The following XXYLT1 variants were observed in gnomAD, a reference collection of about 807,000 sequenced individuals.
The protein encoded by XXYLT1 is UDP-xylose:alpha-xyloside alpha-1,3-xylosyltransferase.
In XXYLT1, 20 loss-of-function variants were observed where a neutral mutation model predicts 28.9. The observed-to-expected ratio is 0.69, with a 90% CI of 0.49 to 1.00. XXYLT1 has a LOEUF of 1.00. XXYLT1 is among the 50% of genes least tolerant of loss of function. XXYLT1 has a pLI of 0.00. For missense variants in XXYLT1, 542 were observed against 560.1 expected, an observed-to-expected ratio of 0.97 and a Z score of 0.33; for synonymous variants, 257 against 253.8, an observed-to-expected ratio of 1.01 and a Z score of -0.12.
chr3:195,192,253 C>T (rs1722452438), intron 2 of XXYLT1, among the ~76,000 whole-genome samples: 1 of 151,998 alleles, frequency 6.6e-6, no homozygotes, highest in African/African-American at 2.4e-5. Flanking sequence ...TGAAACCCGG[C>T]CTCTATTAAA....
chr3:195,262,641 C>G (rs995727730), intron 1 of XXYLT1, among the ~76,000 whole-genome samples: 1 of 152,160 alleles, frequency 6.6e-6, no homozygotes, highest in African/African-American at 2.4e-5. Context: ...TATAAATCCC[C>G]GTCGATCAGT....
rs1400180628 is a variant in XXYLT1 at position 195,131,357 on chromosome 3, C to T, written c.785+25092G>A. Among the ~76,000 whole-genome samples, 6 of 152,390 alleles carry T rather than the reference C, an allele frequency of 3.9e-5. 1 individual carries two copies. Among genetic ancestry groups the T allele is most frequent in the Admixed American group, 3.9e-4 (6 of 15,308 alleles). ...GATTTTTCAGTCCTAGCTCCACATTCATCAGCACCTTACAAGTAAGGGCAG... is the reference window on the plus strand; with the variant it reads ...GATTTTTCAGTCCTAGCTCCACATTTATCAGCACCTTACAAGTAAGGGCAG... On this transcript the variant is annotated intron_variant, in intron 3 of 3. Transcript: ENST00000310380.
Position 195,077,868 on chromosome 3 carries a change from C to T in XXYLT1, c.786-7757G>A, listed in dbSNP as rs143608420. Among the ~76,000 whole-genome samples, 5 of 152,290 alleles carry T rather than the reference C, an allele frequency of 3.3e-5. No homozygotes were observed. Among genetic ancestry groups the T allele is most frequent in the East Asian group, 1.9e-4 (1 of 5,164 alleles). On this transcript the variant is annotated intron_variant, in intron 3 of 3. Transcript: ENST00000310380. The surrounding 1 kb of genome is among the most constrained non-coding windows in gnomAD (Gnocchi z 4.8). The stretch of plus-strand genomic sequence containing the variant: ...CTCGAAGGCTTCTCCTGGCCCTCCG[C>T]TCCCCGTGCCCAGCCTGCCTGGGGT...
chr3:195,215,804 G>A (rs1723546794), intron 2 of XXYLT1, among the ~76,000 whole-genome samples: 1 of 152,198 alleles, frequency 6.6e-6, no homozygotes. Flanking sequence ...ATTGAACTCA[G>A]CTCTGCACCA....
chr3:195,246,749 T>C (rs183531279), intron 1 of XXYLT1, among the ~76,000 whole-genome samples: 2 of 152,306 alleles, frequency 1.3e-5, no homozygotes, highest in South Asian at 2.1e-4. Flanking sequence ...ACAGTGATGT[T>C]ACAATGTGGC....
chr3:195,229,959 G>A (rs928869320), intron 1 of XXYLT1, among the ~76,000 whole-genome samples: 2 of 152,134 alleles, frequency 1.3e-5, no homozygotes, highest in Non-Finnish European at 2.9e-5. Context: ...TTGAGGAACC[G>A]CCAATCTGTT....
At chr3:195,249,785 G>A (rs1322958247) in intron 1 of XXYLT1, among the ~76,000 whole-genome samples, 3 of 152,200 alleles carry the variant, frequency 2.0e-5, no homozygotes, top group Non-Finnish European at 4.4e-5. Context: ...CGTGTGGTCT[G>A]TAGCCCTCTT....
chr3:195,223,888 G>A (rs1723933687), intron 2 of XXYLT1, among the ~76,000 whole-genome samples: 1 of 152,214 alleles, frequency 6.6e-6, no homozygotes, highest in African/African-American at 2.4e-5. Context: ...CGGGCGCGGT[G>A]GCTCATGCCT....
In XXYLT1 at chr3:195,180,061, G is replaced by A. The variant is rs1224738701; in HGVS notation, c.653-23480C>T. ...GGCTGAGTGACGGAGCGCCTGGTGA[G>A]GGACAGAAGAATCTCTGAGCGGCCC... On this transcript the variant is annotated intron_variant, in intron 2 of 3. Coordinates refer to ENST00000310380, the MANE Select transcript of XXYLT1 (RefSeq NM_152531.5). This position sits in a 1 kb window ranked among gnomAD's most constrained non-coding sequence, Gnocchi z 5.8. 6.6e-6 allele frequency among the ~76,000 whole-genome samples: 1 copy of A among 152,188 alleles called. No homozygotes were observed. The highest frequency in any genetic ancestry group is 1.5e-5 in the Non-Finnish European group (1 of 68,028).
chr3:195,180,094 T>C lies in XXYLT1; in HGVS notation c.653-23513A>G, dbSNP rs1721876268. On this transcript the variant is annotated intron_variant, in intron 2 of 3. Transcript: ENST00000310380. The surrounding 1 kb of genome is among the most constrained non-coding windows in gnomAD (Gnocchi z 5.8). ...AGAATCTCTGAGCGGCCCCAAGCAGTGGGGTTCTGGCAGAGCACCGCTGAC... is the reference window on the plus strand; with the variant it reads ...AGAATCTCTGAGCGGCCCCAAGCAGCGGGGTTCTGGCAGAGCACCGCTGAC... Among the ~76,000 whole-genome samples, 1 of 151,982 alleles carries C rather than the reference T, an allele frequency of 6.6e-6. No individual in the cohort carries two copies. Among genetic ancestry groups the C allele is most frequent in the South Asian group, 2.1e-4 (1 of 4,808 alleles).
Position 195,150,379 on chromosome 3 carries a change from A to T in XXYLT1, c.785+6070T>A, listed in dbSNP as rs1326950127. ...TGTGCTGGCGCTCACTCCCTCCCCAACACTCCCCTGGGAGCCCAGCACCAG... is the reference window on the plus strand; with the variant it reads ...TGTGCTGGCGCTCACTCCCTCCCCATCACTCCCCTGGGAGCCCAGCACCAG... On this transcript the variant is annotated intron_variant, in intron 3 of 3. Transcript: ENST00000310380. This position sits in a 1 kb window ranked among gnomAD's most constrained non-coding sequence, Gnocchi z 4.7. Among the ~76,000 whole-genome samples, 1 of 151,856 alleles carries T rather than the reference A, an allele frequency of 6.6e-6. No homozygotes were observed. The highest frequency in any genetic ancestry group is 1.5e-5 in the Non-Finnish European group (1 of 67,962).
chr3:195,134,067 CAGAA>C (rs970842114), intron 3 of XXYLT1, among the ~76,000 whole-genome samples: 11 of 151,792 alleles, frequency 7.2e-5, no homozygotes, highest in African/African-American at 2.2e-4. Context: ...GACAGACAGA[CAGAA>C]AGAAAGAAAG....
intron 3 of XXYLT1, among the ~76,000 whole-genome samples, chr3:195,155,918 G>A (rs1720563397): frequency 6.6e-6 from 1 of 152,190 alleles, no homozygotes; most frequent in African/African-American, 2.4e-5. Flanking sequence ...TTCCAGAATG[G>A]TTCTCAGTCC....
chr3:195,073,672 T>A lies in XXYLT1; in HGVS notation c.786-3561A>T, dbSNP rs117132100. 2.0e-3 allele frequency among the ~76,000 whole-genome samples: 311 copies of A among 152,248 alleles called. 5 individuals carry two copies. In the East Asian group the frequency reaches 0.049, roughly 24 times the overall value. ...AAGCCCCCACGCAGACAGTCCCTGGTAAATATTGGGTCTTTTCAGAAGTCA... is the reference window on the plus strand; with the variant it reads ...AAGCCCCCACGCAGACAGTCCCTGGAAAATATTGGGTCTTTTCAGAAGTCA... On this transcript the variant is annotated intron_variant, in intron 3 of 3. Coordinates refer to ENST00000310380, the MANE Select transcript of XXYLT1 (RefSeq NM_152531.5).
intron 3 of XXYLT1, among the ~76,000 whole-genome samples, chr3:195,138,429 C>T (rs772556173): frequency 3.3e-5 from 5 of 152,106 alleles, no homozygotes; most frequent in African/African-American, 9.7e-5. Flanking sequence ...GAGGGAGACA[C>T]GCATTCATGG....
intron 2 of XXYLT1, chr3:195,207,409 A>C (rs12495970): frequency 0.21 from 93,493 of 452,780 alleles, 11,892 homozygotes; most frequent in African/African-American, 0.4. Context: ...GAAAACAGTG[A>C]CTTTATTCTA....
rs370242825 is a variant in XXYLT1 at position 195,078,400 on chromosome 3, G to C, written c.786-8289C>G. On this transcript the variant is annotated intron_variant, in intron 3 of 3. Coordinates refer to ENST00000310380, the MANE Select transcript of XXYLT1 (RefSeq NM_152531.5). This position sits in a 1 kb window ranked among gnomAD's most constrained non-coding sequence, Gnocchi z 5.0. ...GCCATGGGGGCCTTTTCTGCTGTGGGAGCTCCTGCAGAGCCACTGAGCTAC... is the reference window on the plus strand; with the variant it reads ...GCCATGGGGGCCTTTTCTGCTGTGGCAGCTCCTGCAGAGCCACTGAGCTAC... 1.3e-3 allele frequency among the ~76,000 whole-genome samples: 195 copies of C among 152,140 alleles called. No homozygotes were observed. The highest frequency in any genetic ancestry group is 4.5e-3 in the African/African-American group (187 of 41,502).
rs544753994 is a variant in XXYLT1, at chr3:195,240,570, C to T, written c.505-13714G>A. On this transcript the variant is annotated intron_variant, in intron 1 of 3. Coordinates refer to ENST00000310380, the MANE Select transcript of XXYLT1 (RefSeq NM_152531.5). This position sits in a 1 kb window ranked among gnomAD's most constrained non-coding sequence, Gnocchi z 4.7. ...GGCTGGCCCCACGCACGGAAAGATG[C>T]CAGGTTTCCCGGAAATCCCAAGGCC... Among the ~76,000 whole-genome samples, 29 of 152,406 alleles carry T rather than the reference C, an allele frequency of 1.9e-4. No homozygotes were observed. Among genetic ancestry groups the T allele is most frequent in the Admixed American group, 1.8e-3 (27 of 15,312 alleles).
chr3:195,220,055 T>C (rs1460084443), intron 2 of XXYLT1, among the ~76,000 whole-genome samples: 2 of 152,116 alleles, frequency 1.3e-5, no homozygotes, highest in African/African-American at 4.8e-5. Flanking sequence ...CTAAATGTTA[T>C]GGAGATTTCA....
Sources: allele counts gnomAD v4.1 joint callset (sites outside exome capture counted in the v4.1 genomes callset), GRCh38; gene constraint gnomAD v4.1.1; non-coding constraint Gnocchi (gnomAD v3.1); transcripts MANE v1.5; gene names NCBI Gene and HGNC (gene_info 2026-07-23, HGNC 2026-07-21).